Variants in ZNF90 observed in about 807,000 individuals in gnomAD.
The protein encoded by ZNF90 is zinc finger protein 90, also known as zinc finger protein HTF9.
ZNF90 carries 11 observed loss-of-function variants against 12.0 expected under a neutral mutation model. The observed-to-expected ratio is 0.92, with a 90% confidence interval of 0.58 to 1.52. The LOEUF (loss-of-function observed/expected upper bound fraction) is 1.52. Ranked by LOEUF, ZNF90 falls within the 40% of genes most tolerant of loss-of-function variation. The pLI is 0.00. For synonymous variants in ZNF90, 232 were observed against 240.1 expected, an observed-to-expected ratio of 0.97 and a Z score of 0.31; for missense variants, 765 against 711.5, an observed-to-expected ratio of 1.08 and a Z score of -0.86.
rs1185257629 is a variant in ZNF90 at position 20,119,166 on chromosome 19, A to G, written c.1612A>G (p.Lys538Glu). The change falls in exon 4 of 4, where the codon AAA (lysine) becomes GAA (glutamate). Residue 538 changes from lysine to glutamate, a missense_variant. By Grantham distance (56) the Lys-to-Glu change is moderately conservative (BLOSUM62 1). Transcript: ENST00000418063. ...AATTCATACTGGAGCGAAACCCTAC[A>G]AATGTGAAGAATGTGGCAAAGCCTT... The part of the protein sequence containing the change: ...KIIHTGAKPY[K>E]CEECGKAFKR... The G allele has an allele frequency of 6.2e-7, 1 of 1,613,036 alleles. No homozygotes were observed. The highest frequency in any genetic ancestry group is 1.7e-4 in the Middle Eastern group (1 of 6,058).
chr19:20,078,845 A>G (rs10402970), intron 1 of ZNF90, among the ~76,000 whole-genome samples: 11,012 of 152,092 alleles, frequency 0.072, 1,134 homozygotes, highest in African/African-American at 0.23. Flanking sequence ...CTTCCCGGCC[A>G]GGCGCGGTGG....
intron 1 of ZNF90, among the ~76,000 whole-genome samples, chr19:20,093,810 C>G (rs1451217353): frequency 6.6e-6 from 1 of 152,164 alleles, no homozygotes; most frequent in African/African-American, 2.4e-5. Flanking sequence ...TTACCCTCCA[C>G]TGTGAGAGTT....
At chr19:20,097,099 C>A (rs1555703352) in intron 1 of ZNF90, among the ~76,000 whole-genome samples, 1 of 152,178 alleles carries the variant, frequency 6.6e-6, no homozygotes, top group Non-Finnish European at 1.5e-5. Flanking sequence ...TGGTGACCAT[C>A]TTTCTATCTT....
intron 3 of ZNF90, among the ~76,000 whole-genome samples, chr19:20,106,095 A>AT (rs1276007074): frequency 7.3e-4 from 42 of 57,740 alleles, no homozygotes; most frequent in East Asian, 3.3e-3. Flanking sequence ...TCCATGGTTA[A>AT]TTTTTTTTCT....
chr19:20,099,334 C>T (rs1012588785), intron 1 of ZNF90, among the ~76,000 whole-genome samples: 12 of 152,232 alleles, frequency 7.9e-5, no homozygotes, highest in African/African-American at 1.7e-4. Flanking sequence ...CCACTGCACA[C>T]GTTTGAGCAG....
intron 3 of ZNF90, among the ~76,000 whole-genome samples, chr19:20,114,580 T>G (rs1409627435): frequency 6.6e-6 from 1 of 152,216 alleles, no homozygotes; most frequent in African/African-American, 2.4e-5. Flanking sequence ...TCTATATATT[T>G]GTACATTTAT....
Position 20,119,431 on chromosome 19 carries a change from TTGG to T in ZNF90, c.*72_*74del. The T allele has an allele frequency of 7.2e-7, 1 of 1,380,026 alleles. No homozygotes were observed. The highest frequency in any genetic ancestry group is 2.5e-5 in the East Asian group (1 of 40,120). 85.5% of individuals were successfully genotyped at this position (1,380,026 alleles called of 1,614,324 possible). ...AGAAACCGTATAAATGTGATGACTG[TTGG>T]AAAGCCTTTGACCACCCCTCTACTC... On this transcript the variant is annotated 3_prime_UTR_variant, in exon 4 of 4. Transcript: ENST00000418063.
intron 3 of ZNF90, among the ~76,000 whole-genome samples, chr19:20,106,523 C>T (rs2089039911): frequency 6.6e-6 from 1 of 152,092 alleles, no homozygotes; most frequent in Non-Finnish European, 1.5e-5. Flanking sequence ...GGCGCGATTT[C>T]GCTCATTGCA....
intron 3 of ZNF90, among the ~76,000 whole-genome samples, chr19:20,110,146 T>C (rs1256918792): frequency 1.3e-5 from 2 of 152,256 alleles, no homozygotes; most frequent in African/African-American, 4.8e-5. Context: ...TATTCCATTG[T>C]ATGTATATGT....
chr19:20,101,354 A>G (rs1000488124), intron 1 of ZNF90, among the ~76,000 whole-genome samples: 2 of 152,358 alleles, frequency 1.3e-5, no homozygotes, highest in East Asian at 3.9e-4. Flanking sequence ...CATGAGGCCA[A>G]GAACCCCAGG....
intron 3 of ZNF90, among the ~76,000 whole-genome samples, chr19:20,110,064 A>T (rs994752371): frequency 6.6e-6 from 1 of 152,072 alleles, no homozygotes; most frequent in African/African-American, 2.4e-5. Context: ...TTACTGTATT[A>T]ATTCAAGTGA....
intron 3 of ZNF90, chr19:20,117,570 G>A (rs1555705824): frequency 1.0e-6 from 1 of 984,274 alleles, no homozygotes; most frequent in Non-Finnish European, 1.2e-6. Flanking sequence ...CCAAGTAGCT[G>A]GGATTTGCCC....
At chr19:20,094,908 ATTG>A (rs1211766000) in intron 1 of ZNF90, among the ~76,000 whole-genome samples, 1 of 152,180 alleles carries the variant, frequency 6.6e-6, no homozygotes, top group Non-Finnish European at 1.5e-5. Flanking sequence ...CTAAGAGGAA[ATTG>A]TTGGGCAGGT....
At chr19:20,101,354 A>C (rs1000488124) in intron 1 of ZNF90, among the ~76,000 whole-genome samples, 21 of 152,358 alleles carry the variant, frequency 1.4e-4, no homozygotes, top group African/African-American at 4.6e-4. Context: ...CATGAGGCCA[A>C]GAACCCCAGG....
At chr19:20,082,536 A>G (rs1028013739) in intron 1 of ZNF90, among the ~76,000 whole-genome samples, 1 of 152,204 alleles carries the variant, frequency 6.6e-6, no homozygotes, top group Non-Finnish European at 1.5e-5. Flanking sequence ...AGGGCTATGC[A>G]GGATGTGCTT....
intron 3 of ZNF90, 92 bp from the exon 4 acceptor site, chr19:20,117,689 T>C (rs1286063220): frequency 7.1e-7 from 1 of 1,416,562 alleles, no homozygotes; most frequent in Non-Finnish European, 9.2e-7. Context: ...GTTTTCATTT[T>C]GCCCAAGATG....
rs781869560 is a variant in ZNF90, at chr19:20,119,154, G to T, written c.1600G>T (p.Ala534Ser). The T allele has an allele frequency of 3.7e-6, 6 of 1,612,170 alleles. No homozygotes were observed. Among genetic ancestry groups the T allele is most frequent in the Non-Finnish European group, 8.5e-7 (1 of 1,179,122 alleles). The change falls in exon 4 of 4, where the codon GCG becomes TCG. Residue 534 changes from alanine (A) to serine (S), a missense_variant. Physicochemically the swap from Ala to Ser is moderately conservative, Grantham distance 99 (BLOSUM62 1). Transcript: ENST00000418063. ...TAAACATAAGATAATTCATACTGGA[G>T]CGAAACCCTACAAATGTGAAGAATG... ...LSKHKIIHTG[A>S]KPYKCEECGK...
intron 1 of ZNF90, among the ~76,000 whole-genome samples, chr19:20,093,267 A>G (rs1186293285): frequency 6.6e-6 from 1 of 152,108 alleles, no homozygotes; most frequent in Non-Finnish European, 1.5e-5. Context: ...AAAATGGGGG[A>G]ATTGTAAGGA....
intron 1 of ZNF90, among the ~76,000 whole-genome samples, chr19:20,103,008 T>C (rs780767655): frequency 5.3e-5 from 8 of 152,162 alleles, no homozygotes; most frequent in South Asian, 2.1e-4. Flanking sequence ...GGGAGGAATA[T>C]GTTGGGGTGG....
Sources: allele counts gnomAD v4.1 joint callset (sites outside exome capture counted in the v4.1 genomes callset), GRCh38; gene constraint gnomAD v4.1.1; transcripts MANE v1.5; gene names NCBI Gene and HGNC (gene_info 2026-07-23, HGNC 2026-07-21).